The following GPHN variants were observed in gnomAD, a reference collection of about 807,000 sequenced individuals.
GPHN encodes the protein gephyrin.
Under a neutral mutation model 95.5 loss-of-function variants are expected in GPHN, and 17 were observed. The ratio of observed to expected loss-of-function variants is 0.18; its 90% CI spans 0.12 to 0.27. The LOEUF (loss-of-function observed/expected upper bound fraction) is 0.27. Ranked by LOEUF, GPHN falls within the 10% of genes least tolerant of loss-of-function variation. The pLI, the probability that GPHN is intolerant of heterozygous loss-of-function variation, is 1.00. For missense variants in GPHN, 660 were observed against 978.1 expected, an observed-to-expected ratio of 0.67 and a Z score of 4.34; for synonymous variants, 320 against 322.5, an observed-to-expected ratio of 0.99 and a Z score of 0.08.
chr14:67,234,170 A>C, the GPHN span, among the ~76,000 whole-genome samples: 8 of 152,186 alleles, frequency 5.3e-5, no homozygotes, highest in African/African-American at 1.9e-4. Flanking sequence ...ATTTCAGAGA[A>C]ATTAACTGAC....
At position 67,064,098 on chromosome 14, in the gene GPHN, A is replaced by G. The variant is rs188779130; in HGVS notation, c.1144+5312A>G. 5.9e-5 allele frequency among the ~76,000 whole-genome samples: 9 copies of G among 152,222 alleles called. No homozygotes were observed. The South Asian group carries it at 1.0e-3, about 18-fold the overall frequency. On this transcript the variant is annotated intron_variant, in intron 11 of 22. Transcript: ENST00000478722. ...CATAAATAGCTCTTATTATTTTGAG[A>G]TGCATTCCATCAATACCTAGTTTAT...
chr14:66,508,465 C>A lies in GPHN; in HGVS notation c.-63C>A. 2 of 1,491,672 alleles carry A rather than the reference C, an allele frequency of 1.3e-6. No individual in the cohort carries two copies. The highest frequency in any genetic ancestry group is 1.9e-6 in the Non-Finnish European group (2 of 1,068,934). The allele number at this position is 1,491,672 out of a possible 1,614,324, so 92.4% of individuals were successfully genotyped here. On this transcript the variant is annotated 5_prime_UTR_variant, in exon 1 of 23. Transcript: ENST00000478722. The stretch of plus-strand genomic sequence containing the variant: ...CTCTCCTCGGCGAGCGCGCTCCCGG[C>A]CCGCGCGCTCCGGGCTCCGGTTTCT...
intron 1 of GPHN, among the ~76,000 whole-genome samples, chr14:66,625,050 A>G (rs1216417594): frequency 6.6e-6 from 1 of 152,248 alleles, no homozygotes; most frequent in East Asian, 1.9e-4. Context: ...TGCACTTGTT[A>G]GTGCCTTTCA....
chr14:66,653,162 G>A (rs2153366985), intron 1 of GPHN, among the ~76,000 whole-genome samples: 1 of 152,228 alleles, frequency 6.6e-6, no homozygotes, highest in Admixed American at 6.5e-5. Context: ...CTACCTCAGT[G>A]TCAGTAGTAC....
In GPHN at chr14:66,562,814, G is replaced by A. The variant is rs180885133; in HGVS notation, c.64+54223G>A. On this transcript the variant is annotated intron_variant, in intron 1 of 22. Transcript: ENST00000478722. ...GGTGATAAAGTATCAACTAAGAATCGAATAGTCCTGCCCTTTCTAGTAGAG... is the reference window on the plus strand; with the variant it reads ...GGTGATAAAGTATCAACTAAGAATCAAATAGTCCTGCCCTTTCTAGTAGAG... 3.3e-5 allele frequency among the ~76,000 whole-genome samples: 5 copies of A among 152,178 alleles called. No homozygotes were observed. In the South Asian group the frequency reaches 6.2e-4, roughly 19 times the overall value.
the GPHN span, among the ~76,000 whole-genome samples, chr14:67,328,137 A>G: frequency 9.8e-5 from 15 of 152,308 alleles, no homozygotes; most frequent in East Asian, 2.7e-3. Flanking sequence ...CATCCTCTCC[A>G]GCACCTGTTG....
chr14:66,683,635 G>C (rs1479812665), intron 2 of GPHN, among the ~76,000 whole-genome samples: 1 of 144,168 alleles, frequency 6.9e-6, no homozygotes, highest in Non-Finnish European at 1.5e-5. Flanking sequence ...ATTGTTAATG[G>C]TGCAACATTG....
At chr14:67,264,696 G>A in the GPHN span, among the ~76,000 whole-genome samples, 1 of 152,012 alleles carries the variant, frequency 6.6e-6, no homozygotes, top group Non-Finnish European at 1.5e-5. Context: ...TTTTTTTCGA[G>A]CTCTTTTGTC....
At chr14:66,655,403 G>A (rs2065249743) in intron 1 of GPHN, among the ~76,000 whole-genome samples, 1 of 152,006 alleles carries the variant, frequency 6.6e-6, no homozygotes, top group Admixed American at 6.5e-5. Flanking sequence ...AAAGATTCAT[G>A]TGTCCATGGC....
chr14:67,562,045 C>T, the GPHN span: 45 of 1,612,808 alleles, frequency 2.8e-5, no homozygotes, highest in Non-Finnish European at 3.7e-5. Context: ...GGTAGGCAGG[C>T]CAGGGTGTGC....
intron 3 of GPHN, among the ~76,000 whole-genome samples, chr14:66,805,401 C>A (rs1457811848): frequency 6.6e-6 from 1 of 152,112 alleles, no homozygotes; most frequent in East Asian, 1.9e-4. Flanking sequence ...AAATCTCATA[C>A]CCTCACATTT....
the GPHN span, among the ~76,000 whole-genome samples, chr14:67,406,780 C>A: frequency 6.6e-6 from 1 of 152,172 alleles, no homozygotes; most frequent in Non-Finnish European, 1.5e-5. Flanking sequence ...TACAGATAAA[C>A]CACACCATGC....
chr14:67,509,609 G>A, the GPHN span, among the ~76,000 whole-genome samples: 2 of 152,078 alleles, frequency 1.3e-5, no homozygotes, highest in African/African-American at 2.4e-5. Flanking sequence ...ATGAGCCACC[G>A]CACCTGGTCA....
At chr14:67,343,584 G>A in the GPHN span, 1 of 617,720 alleles carries the variant, frequency 1.6e-6, no homozygotes, top group Non-Finnish European at 2.8e-6. Context: ...AAAATTCTTA[G>A]GCTGGGCGCA....
intron 18 of GPHN, among the ~76,000 whole-genome samples, chr14:67,155,339 A>G (rs953577936): frequency 6.6e-6 from 1 of 152,238 alleles, no homozygotes; most frequent in Non-Finnish European, 1.5e-5. Flanking sequence ...ATCATTGTCC[A>G]AAGCCTTTTC....
chr14:67,436,657 G>A, the GPHN span, among the ~76,000 whole-genome samples: 4 of 152,290 alleles, frequency 2.6e-5, no homozygotes, highest in East Asian at 1.9e-4. Flanking sequence ...CCTTCCACAA[G>A]TTCCTCCCAT....
chr14:66,931,652 G>A (rs1013961821), intron 8 of GPHN, among the ~76,000 whole-genome samples: 2 of 151,976 alleles, frequency 1.3e-5, no homozygotes, highest in Non-Finnish European at 2.9e-5. Flanking sequence ...GAAAGACTCT[G>A]GTATATTCTT....
chr14:67,111,539 T>C (rs1054331226), intron 14 of GPHN, among the ~76,000 whole-genome samples: 1 of 152,152 alleles, frequency 6.6e-6, no homozygotes, highest in African/African-American at 2.4e-5. Context: ...TACATATGTA[T>C]ATAAAAATAT....
intron 17 of GPHN, among the ~76,000 whole-genome samples, chr14:67,128,293 G>T: frequency 6.8e-6 from 1 of 148,112 alleles, no homozygotes. Flanking sequence ...GTCTCGCTCT[G>T]TCGCCCAGGC....
Sources: gnomAD v4.1 joint callset for allele counts (sites outside exome capture counted in the v4.1 genomes callset) on GRCh38, gnomAD v4.1.1 for gene constraint, MANE v1.5 for transcripts, NCBI Gene and HGNC (gene_info 2026-07-23, HGNC 2026-07-21) for gene names.